The following SPATA22 variants were observed in gnomAD, a reference collection of about 807,000 sequenced individuals.
SPATA22 encodes the protein spermatogenesis-associated protein 22.
In SPATA22, 29 loss-of-function variants were observed where a neutral mutation model predicts 47.8. That is an observed-to-expected ratio of 0.61 (90% CI 0.45 to 0.83). SPATA22 has a LOEUF of 0.83. Ranked by LOEUF, SPATA22 falls within the 40% of genes least tolerant of loss-of-function variation. The pLI is 0.00. For synonymous variants in SPATA22, 133 were observed against 140.9 expected (o/e 0.94, Z 0.40); for missense variants, 410 against 421.7 (o/e 0.97, Z 0.24).
chr17:3,455,010 T>C (rs1410334909), intron 5 of SPATA22, among the ~76,000 whole-genome samples: 45 of 152,028 alleles, frequency 3.0e-4, no homozygotes, highest in Non-Finnish European at 5.4e-4. Context: ...TGTGAGATGG[T>C]ATCTCATTGT....
chr17:3,447,457 G>C (rs1282490055), intron 6 of SPATA22, among the ~76,000 whole-genome samples: 1 of 135,226 alleles, frequency 7.4e-6, no homozygotes. Context: ...TGTTGATGAT[G>C]GCCACAGTAA....
chr17:3,442,522 TCTC>T (rs1347772137), intron 8 of SPATA22, among the ~76,000 whole-genome samples: 1 of 151,372 alleles, frequency 6.6e-6, no homozygotes, highest in Admixed American at 6.6e-5. Context: ...TCCTTTGCAA[TCTC>T]CACACTTCTA....
chr17:3,457,384 T>TAGG (rs2073021562), intron 5 of SPATA22, among the ~76,000 whole-genome samples: 1 of 152,126 alleles, frequency 6.6e-6, no homozygotes, highest in African/African-American at 2.4e-5. Context: ...CAAGAATTGA[T>TAGG]ATTGTTAAAT....
intron 1 of SPATA22, among the ~76,000 whole-genome samples, chr17:3,483,970 TA>T (rs1247235989): frequency 2.0e-5 from 3 of 152,132 alleles, no homozygotes; most frequent in African/African-American, 7.2e-5. Context: ...AAATTATTTT[TA>T]AAAAAACATT....
rs1339869899 is a variant in SPATA22, at chr17:3,485,486, CG to C, written c.-73-16089del. 6.6e-6 allele frequency among the ~76,000 whole-genome samples: 1 copy of C among 152,124 alleles called. No homozygotes were observed. The highest frequency in any genetic ancestry group is 2.4e-5 in the African/African-American group (1 of 41,424). The stretch of plus-strand genomic sequence containing the variant: ...CGAGATCATGCCATTGCACTCCAGC[CG>C]GGGCAACAAAAGTGAAACTCCGTCT... On this transcript the variant is annotated intron_variant, in intron 1 of 8. Transcript: ENST00000541913. This position sits in a 1 kb window ranked among gnomAD's most constrained non-coding sequence, Gnocchi z 4.4.
At chr17:3,494,121 G>T (rs1301652148) in intron 1 of SPATA22, among the ~76,000 whole-genome samples, 1 of 150,770 alleles carries the variant, frequency 6.6e-6, no homozygotes, top group African/African-American at 2.4e-5. Flanking sequence ...CACCTCCCAG[G>T]TTCAAGAGAT....
chr17:3,483,532 C>G (rs751298835), intron 1 of SPATA22: 2 of 1,614,158 alleles, frequency 1.2e-6, no homozygotes, highest in South Asian at 1.1e-5. Context: ...CTACGTTTAT[C>G]TGATTGAGCA....
At chr17:3,476,093 A>T, upstream of SPATA22, 1 of 1,449,960 alleles carries the variant, frequency 6.9e-7, no homozygotes, top group Admixed American at 1.7e-5. Flanking sequence ...AACCTTTCTT[A>T]AGAAAATCGA....
chr17:3,469,645 G>A (rs2073384404), intron 1 of SPATA22, among the ~76,000 whole-genome samples: 1 of 152,168 alleles, frequency 6.6e-6, no homozygotes, highest in Non-Finnish European at 1.5e-5. Context: ...CACAGTATAT[G>A]TAATTTATTT....
chr17:3,440,397 T>C lies in SPATA22; in HGVS notation c.901-59A>G, dbSNP rs138838706. 5.1e-3 allele frequency: 7,079 copies of C among 1,400,690 alleles called. 33 individuals carry two copies. The highest frequency in any genetic ancestry group is 6.3e-3 in the Non-Finnish European group (6,603 of 1,043,642). 86.8% of individuals were successfully genotyped at this position (1,400,690 alleles called of 1,614,324 possible). ...TATTACTTCATCTGAATTTCAATTT[T>C]TTAAATATTTATGTGATCAACTAAA... On this transcript the variant is annotated intron_variant, in intron 8 of 8. Transcript: ENST00000572969.
chr17:3,494,906 A>G (rs185864513), intron 1 of SPATA22, among the ~76,000 whole-genome samples: 1 of 152,320 alleles, frequency 6.6e-6, no homozygotes, highest in East Asian at 1.9e-4. Context: ...CCATGTAGCT[A>G]TCAATGACAG....
intron 3 of SPATA22, among the ~76,000 whole-genome samples, chr17:3,465,790 T>TAAAAAAAAC (rs10681973): frequency 3.4e-5 from 5 of 147,514 alleles, no homozygotes; most frequent in Non-Finnish European, 4.5e-5. Context: ...AATAAAAATT[T>TAAAAAAAAC]AAAAAACAAA....
At chr17:3,509,330 C>G (rs770374668) in intron 1 of SPATA22, among the ~76,000 whole-genome samples, 5 of 152,106 alleles carry the variant, frequency 3.3e-5, no homozygotes, top group Admixed American at 6.5e-5. Flanking sequence ...CCCTACCCCC[C>G]AACAGGCCCT....
chr17:3,453,513 T>G (rs1347506440), intron 5 of SPATA22, among the ~76,000 whole-genome samples: 1 of 152,012 alleles, frequency 6.6e-6, no homozygotes, highest in Non-Finnish European at 1.5e-5. Context: ...ACAATAAAGG[T>G]CATTTGCAAA....
chr17:3,484,786 C>T (rs182297567), intron 1 of SPATA22, among the ~76,000 whole-genome samples: 2 of 152,262 alleles, frequency 1.3e-5, no homozygotes, highest in East Asian at 3.9e-4. Flanking sequence ...ATTGGTGGAC[C>T]AGTCCCTGTC....
chr17:3,483,198 C>T (rs560656043), intron 1 of SPATA22, among the ~76,000 whole-genome samples: 2 of 152,192 alleles, frequency 1.3e-5, no homozygotes, highest in Non-Finnish European at 2.9e-5. Context: ...AAAATCACCA[C>T]ATCCATTAAG....
At chr17:3,457,968 T>C (rs971990727) in intron 5 of SPATA22, among the ~76,000 whole-genome samples, 1 of 152,060 alleles carries the variant, frequency 6.6e-6, no homozygotes, top group Non-Finnish European at 1.5e-5. Flanking sequence ...CAAAAGGAAA[T>C]ATTTGAGAAC....
intron 1 of SPATA22, among the ~76,000 whole-genome samples, chr17:3,492,478 C>T (rs867742921): frequency 9.2e-5 from 14 of 152,168 alleles, no homozygotes; most frequent in South Asian, 2.1e-4. Flanking sequence ...CCCTTTCCCG[C>T]GTCCACATCC....
At chr17:3,498,806 AT>A (rs2073951812) in intron 1 of SPATA22, 7 of 1,255,408 alleles carry the variant, frequency 5.6e-6, no homozygotes, top group Non-Finnish European at 7.5e-6. Context: ...GAATACTGTA[AT>A]TTGTTAGTTG....
Sources: allele counts gnomAD v4.1 joint callset (sites outside exome capture counted in the v4.1 genomes callset), GRCh38; gene constraint gnomAD v4.1.1; non-coding constraint Gnocchi (gnomAD v3.1); transcripts MANE v1.5; gene names NCBI Gene and HGNC (gene_info 2026-07-23, HGNC 2026-07-21).